Variants in CASS4 observed in about 807,000 individuals in gnomAD.
CASS4 encodes the protein Cas scaffold protein family member 4, also known as cas scaffolding protein family member 4.
Under a neutral mutation model 54.2 loss-of-function variants are expected in CASS4, and 22 were observed. That is an observed-to-expected ratio of 0.41 (90% confidence interval 0.29 to 0.58). CASS4 has a LOEUF of 0.58. Among genes scored for constraint, CASS4 ranks in the 20% least tolerant of loss-of-function variants. The pLI, the probability that CASS4 is intolerant of heterozygous loss-of-function variation, is 0.36. For missense variants in CASS4, 854 were observed against 986.7 expected (o/e 0.87, Z 1.80); for synonymous variants, 409 against 391.5 (o/e 1.04, Z -0.53).
intron 1 of CASS4, among the ~76,000 whole-genome samples, chr20:56,420,517 T>C (rs567147058): frequency 1.3e-5 from 2 of 151,452 alleles, no homozygotes; most frequent in South Asian, 4.2e-4. Flanking sequence ...GCCTCCCAAG[T>C]AGCTGAGACT....
Position 56,458,969 on chromosome 20 carries a change from G to A in CASS4, c.*222G>A. The A allele has an allele frequency of 1.9e-6, 1 of 537,384 alleles. No homozygotes were observed. Among genetic ancestry groups the A allele is most frequent in the East Asian group, 2.9e-5 (1 of 34,988 alleles). The allele number at this position is 537,384 out of a possible 1,614,324, so 33.3% of individuals were successfully genotyped here. On this transcript the variant is annotated 3_prime_UTR_variant, in exon 6 of 6. Coordinates refer to ENST00000679887, the MANE Select transcript of CASS4 (RefSeq NM_020356.4). ...GTCAGGTATGAGGTAAAGACCTTGTGAAGTTTAGCATATATGGAGTATGCA... is the reference window on the plus strand; with the variant it reads ...GTCAGGTATGAGGTAAAGACCTTGTAAAGTTTAGCATATATGGAGTATGCA...
At chr20:56,417,886 C>T (rs890970213) in intron 1 of CASS4, among the ~76,000 whole-genome samples, 5 of 152,220 alleles carry the variant, frequency 3.3e-5, no homozygotes, top group African/African-American at 1.2e-4. Flanking sequence ...GCCTTAGATG[C>T]AAGCTGTTGC....
Position 56,458,998 on chromosome 20 carries a change from T to A in CASS4, c.*251T>A. On this transcript the variant is annotated 3_prime_UTR_variant, in exon 6 of 6. Coordinates refer to ENST00000679887, the MANE Select transcript of CASS4 (RefSeq NM_020356.4). ...TTTAGCATATATGGAGTATGCAGTA[T>A]CAGCTTGAAGTGACTTCGCAGAAAT... 2.1e-6 allele frequency: 1 copy of A among 465,594 alleles called. No individual in the cohort carries two copies. Among genetic ancestry groups the A allele is most frequent in the Non-Finnish European group, 3.8e-6 (1 of 261,456 alleles). The allele number at this position is 465,594 out of a possible 1,614,324, so 28.8% of individuals were successfully genotyped here.
intron 1 of CASS4, among the ~76,000 whole-genome samples, chr20:56,431,880 T>TTTC (rs1304602351): frequency 2.0e-5 from 3 of 152,238 alleles, no homozygotes; most frequent in African/African-American, 7.2e-5. Flanking sequence ...ACCATAATTA[T>TTTC]TTCATTATAG....
chr20:56,444,062 A>G (rs536159662), intron 2 of CASS4, among the ~76,000 whole-genome samples: 7 of 152,156 alleles, frequency 4.6e-5, no homozygotes, highest in South Asian at 4.1e-4. Context: ...TCCTGTTCGC[A>G]TTGCGGCTGC....
intron 1 of CASS4, among the ~76,000 whole-genome samples, chr20:56,432,232 GTTTCAGATAATAAACC>G (rs1372328173): frequency 1.3e-5 from 2 of 150,288 alleles, no homozygotes; most frequent in African/African-American, 4.9e-5. Flanking sequence ...TCAGATTATT[GTTTCAGATAATAAACC>G]TTTCAGATAA....
rs1981096223 is a variant in CASS4, at chr20:56,452,754, C to T, written c.1578C>T (p.Ser526=). 1 of 1,613,968 alleles carries T rather than the reference C, an allele frequency of 6.2e-7. No individual in the cohort carries two copies. Among genetic ancestry groups the T allele is most frequent in the Admixed American group, 1.7e-5 (1 of 59,990 alleles). Reference sequence around the variant, plus strand: ...ACCAGATGCAGACCATCTCCAACTCCTACCGCATCCTGCTTGAAACAAAGG... The same window carrying T: ...ACCAGATGCAGACCATCTCCAACTCTTACCGCATCCTGCTTGAAACAAAGG... ...IRDQMQTISN[S]YRILLETKES... is the part of the protein sequence containing the mutation. The change falls in exon 5 of 6, where the codon TCC becomes TCT. Residue 526 remains serine (S), a synonymous_variant. Transcript: ENST00000679887.
intron 2 of CASS4, among the ~76,000 whole-genome samples, chr20:56,441,742 T>C (rs1292217542): frequency 6.6e-6 from 1 of 152,188 alleles, no homozygotes; most frequent in Non-Finnish European, 1.5e-5. Flanking sequence ...CACTGGGTGA[T>C]TGGGGACCTC....
At chr20:56,426,444 A>G (rs1209570709) in intron 1 of CASS4, among the ~76,000 whole-genome samples, 1 of 152,246 alleles carries the variant, frequency 6.6e-6, no homozygotes, top group East Asian at 1.9e-4. Flanking sequence ...CTGCGTAGTT[A>G]GAGTGCGACA....
At chr20:56,456,874 A>G (rs1199264865) in intron 5 of CASS4, among the ~76,000 whole-genome samples, 1 of 150,760 alleles carries the variant, frequency 6.6e-6, no homozygotes, top group Non-Finnish European at 1.5e-5. Flanking sequence ...TTTGGTAGAG[A>G]CAGAGTTTCG....
chr20:56,437,658 A>C lies in CASS4; in HGVS notation c.459+72A>C, dbSNP rs1980257957. On this transcript the variant is annotated intron_variant, in intron 2 of 5. Coordinates refer to ENST00000679887, the MANE Select transcript of CASS4 (RefSeq NM_020356.4). This position sits in a 1 kb window ranked among gnomAD's most constrained non-coding sequence, Gnocchi z 4.7. ...CACCCAGAGGCCTAACTACCTCTTGAGGCATGGGTGTCCTTCAGATCAAAC... is the reference window on the plus strand; with the variant it reads ...CACCCAGAGGCCTAACTACCTCTTGCGGCATGGGTGTCCTTCAGATCAAAC... The C allele has an allele frequency of 3.1e-5, 41 of 1,337,058 alleles. 1 individual carries two copies. The South Asian group carries it at 5.9e-4, about 19-fold the overall frequency. 82.8% of individuals were successfully genotyped at this position (1,337,058 alleles called of 1,614,324 possible).
intron 3 of CASS4, among the ~76,000 whole-genome samples, chr20:56,450,346 A>G: frequency 6.6e-6 from 1 of 152,196 alleles, no homozygotes; most frequent in East Asian, 1.9e-4. Flanking sequence ...TTTAAAGCAC[A>G]AAGTCCATTG....
rs1294674687 is a variant in CASS4 at position 56,452,285 on chromosome 20, A to G, written c.1109A>G (p.Lys370Arg). Residue 370 changes from lysine (K) to arginine (R), a missense_variant, in exon 5 of 6, where the codon AAG becomes AGG. Lys to Arg is a conservative substitution (Grantham distance 26). Transcript: ENST00000679887. ...GCTGGGAAGGAGCTGGAGAAAGCCA[A>G]GGAGGTGTCAGAGAATTCCGCGGGC... ...SQAGKELEKA[K>R]EVSENSAGHN... 1 of 1,613,900 alleles carries G rather than the reference A, an allele frequency of 6.2e-7. No homozygotes were observed.
chr20:56,415,357 A>G (rs1460754803), intron 1 of CASS4, among the ~76,000 whole-genome samples: 2 of 152,116 alleles, frequency 1.3e-5, no homozygotes, highest in African/African-American at 2.4e-5. Context: ...ACGCAGTACC[A>G]GGAAACACCC....
intron 4 of CASS4, 79 bp from the exon 5 acceptor site, chr20:56,451,740 G>A: frequency 9.8e-7 from 1 of 1,020,986 alleles, no homozygotes; most frequent in Non-Finnish European, 1.5e-6. Flanking sequence ...GCGGCGGAGT[G>A]ACGATGAGAT....
Position 56,437,440 on chromosome 20 carries a change from C to T in CASS4, c.313C>T (p.Arg105Cys), listed in dbSNP as rs199573867. The change falls in exon 2 of 6, where the codon CGC becomes TGC. Residue 105 changes from arginine (R) to cysteine (C), a missense_variant. Physicochemically the swap from Arg to Cys is radical, Grantham distance 180. Transcript: ENST00000679887. This position sits in a 1 kb window ranked among gnomAD's most constrained non-coding sequence, Gnocchi z 4.7. Reference sequence around the variant, plus strand: ...GACCTATCAGGTGCCCACTCTACCCCGCCCTCCCACTCCAGGCCCCGTTTA... The same window carrying T: ...GACCTATCAGGTGCCCACTCTACCCTGCCCTCCCACTCCAGGCCCCGTTTA... ...EETYQVPTLPRPPTPGPVYEQ... is the reference protein window; with the variant it reads ...EETYQVPTLPCPPTPGPVYEQ... 5.8e-5 allele frequency: 93 copies of T among 1,614,004 alleles called. 2 individuals carry two copies. The South Asian group carries it at 6.5e-4, about 11-fold the overall frequency.
chr20:56,420,710 G>A (rs1203660463), intron 1 of CASS4, among the ~76,000 whole-genome samples: 2 of 151,924 alleles, frequency 1.3e-5, no homozygotes, highest in Non-Finnish European at 2.9e-5. Context: ...TCAAAAGTGA[G>A]AGTCTCCCCA....
In CASS4 at chr20:56,453,115, A is replaced by G; in HGVS notation, c.1939A>G (p.Asn647Asp). The change falls in exon 5 of 6, where the codon AAT becomes GAT. Residue 647 changes from asparagine (N) to aspartate (D), a missense_variant. Transcript: ENST00000679887. Reference sequence around the variant, plus strand: ...TGAACTATTAAAGAAAAATAGGGCAAATATCTGTGGACAGGTGAGTTCAGA... The same window carrying G: ...TGAACTATTAAAGAAAAATAGGGCAGATATCTGTGGACAGGTGAGTTCAGA... Reference protein sequence around the residue: ...SSELLKKNRANICGQNPGPLI... With the variant: ...SSELLKKNRADICGQNPGPLI... 1 of 1,612,528 alleles carries G rather than the reference A, an allele frequency of 6.2e-7. No homozygotes were observed. Among genetic ancestry groups the G allele is most frequent in the Non-Finnish European group, 8.5e-7 (1 of 1,179,448 alleles).
In CASS4 at chr20:56,437,275, G is replaced by A; in HGVS notation, c.148G>A (p.Gly50Ser). Residue 50 changes from glycine (G) to serine (S), a missense_variant, in exon 2 of 6, where the codon GGT becomes AGT. Coordinates refer to ENST00000679887, the MANE Select transcript of CASS4 (RefSeq NM_020356.4). The surrounding 1 kb of genome is among the most constrained non-coding windows in gnomAD (Gnocchi z 4.7). ...GGAGCAACACGTGCCAGAAAGCGAGGGTTGGTGGAAGTGTTTGCTCCATGG... is the reference window on the plus strand; with the variant it reads ...GGAGCAACACGTGCCAGAAAGCGAGAGTTGGTGGAAGTGTTTGCTCCATGG... ...ILEQHVPESE[G>S]WWKCLLHGRQ... 1.2e-6 allele frequency: 2 copies of A among 1,614,142 alleles called. No homozygotes were observed. Among genetic ancestry groups the A allele is most frequent in the Non-Finnish European group, 1.7e-6 (2 of 1,179,990 alleles).
Sources: allele counts gnomAD v4.1 joint callset (sites outside exome capture counted in the v4.1 genomes callset), GRCh38; gene constraint gnomAD v4.1.1; non-coding constraint Gnocchi (gnomAD v3.1); transcripts MANE v1.5; gene names NCBI Gene and HGNC (gene_info 2026-07-23, HGNC 2026-07-21).